PCLO: variants seen among roughly 807,000 people sequenced by gnomAD.
PCLO encodes protein piccolo.
Under a neutral mutation model 427.5 loss-of-function variants are expected in PCLO, and 82 were observed. The observed-to-expected ratio is 0.19, with a 90% CI of 0.16 to 0.23. The LOEUF (loss-of-function observed/expected upper bound fraction) is 0.23. Among genes scored for constraint, PCLO ranks in the 10% least tolerant of loss-of-function variants. The pLI is 1.00. For missense variants in PCLO, 6,239 were observed against 6,115.9 expected, an observed-to-expected ratio of 1.02 and a Z score of -0.67; for synonymous variants, 2,357 against 2,155.4, an observed-to-expected ratio of 1.09 and a Z score of -2.59.
At chr7:83,059,144 C>A (rs1249825317) in intron 3 of PCLO, among the ~76,000 whole-genome samples, 1 of 149,938 alleles carries the variant, frequency 6.7e-6, no homozygotes, top group Non-Finnish European at 1.5e-5. Flanking sequence ...ATATACTATA[C>A]CACCACATTC....
chr7:82,816,465 G>A (rs1364941221), intron 20 of PCLO, among the ~76,000 whole-genome samples: 2 of 151,908 alleles, frequency 1.3e-5, no homozygotes, highest in Admixed American at 6.6e-5. Flanking sequence ...TTACTTGCCT[G>A]TCTTACTTCC....
At chr7:83,160,560 T>C (rs1042183616) in intron 1 of PCLO, among the ~76,000 whole-genome samples, 1 of 152,116 alleles carries the variant, frequency 6.6e-6, no homozygotes, top group East Asian at 1.9e-4. Flanking sequence ...ATTTATTTTT[T>C]AGTATTTGGA....
rs190555659 is a variant in PCLO at position 83,021,692 on chromosome 7, C to T, written c.3301-55205G>A. Among the ~76,000 whole-genome samples the T allele has an allele frequency of 3.0e-4, 46 of 152,156 alleles. 2 individuals carry two copies. The highest frequency in any genetic ancestry group is 5.9e-5 in the Non-Finnish European group (4 of 68,000). On this transcript the variant is annotated intron_variant, in intron 3 of 24. Transcript: ENST00000333891. ...GGAGCAAGGCCAACATCTATTAAAA[C>T]AAGGTAAAACAATATTGTGATTAAG...
Position 82,772,981 on chromosome 7 carries a change from A to G in PCLO, c.15008-11488T>C, listed in dbSNP as rs1020377361. 2.0e-5 allele frequency among the ~76,000 whole-genome samples: 3 copies of G among 152,286 alleles called. No individual in the cohort carries two copies. In the East Asian group the frequency reaches 5.8e-4, roughly 29 times the overall value. ...TAAAAGCCTCAAGACCACAAAGCCC[A>G]GGAATGAGGTAGGAGAGCTGGTATG... On this transcript the variant is annotated intron_variant, in intron 22 of 24. Coordinates refer to ENST00000333891, the MANE Select transcript of PCLO (RefSeq NM_033026.6).
At chr7:82,890,079 A>G (rs1283280343) in intron 9 of PCLO, among the ~76,000 whole-genome samples, 3 of 151,716 alleles carry the variant, frequency 2.0e-5, no homozygotes, top group Non-Finnish European at 4.4e-5. Context: ...ATATACATTT[A>G]TAAGTATACA....
intron 3 of PCLO, among the ~76,000 whole-genome samples, chr7:83,004,837 CAT>C (rs1787908912): frequency 6.6e-6 from 1 of 151,428 alleles, no homozygotes; most frequent in Non-Finnish European, 1.5e-5. Flanking sequence ...GCACAAAACA[CAT>C]AACCTAATTT....
intron 10 of PCLO, among the ~76,000 whole-genome samples, chr7:82,858,262 A>C: frequency 6.6e-6 from 1 of 152,214 alleles, no homozygotes; most frequent in South Asian, 2.1e-4. Flanking sequence ...GACAAAATTC[A>C]ACATCCTCTC....
rs112693057 is a variant in PCLO at position 83,000,226 on chromosome 7, C to T, written c.3301-33739G>A. 8.4e-3 allele frequency among the ~76,000 whole-genome samples: 1,232 copies of T among 147,268 alleles called. 13 individuals carry two copies. The highest frequency in any genetic ancestry group is 0.029 in the African/African-American group (1,164 of 40,116). ...ATTACATCTCACATTTCCTCAGAAA[C>T]CATGGAAGCAGGAAAAGAGTAGAGT... On this transcript the variant is annotated intron_variant, in intron 3 of 24. Transcript: ENST00000333891.
rs371188596 is a variant in PCLO at position 82,954,794 on chromosome 7, T to G, written c.6159A>C (p.Glu2053Asp). ...CAGCATCTAGTAGTTTCCTTTCTTC[T>G]TCTGTAGAAGTTACCATAGTACCCA... The part of the protein sequence containing the change: ...VDLGTMVTST[E>D]EERKLLDADA... The change falls in exon 5 of 25, where the codon GAA becomes GAC. Residue 2053 changes from glutamate (E) to aspartate (D), a missense_variant. By Grantham distance (45) the Glu-to-Asp change is conservative. Around this residue, in one of 5 missense-constraint regions of PCLO, gnomAD observed 4,677 missense variants for 4,468.4 expected, o/e 1.05. Coordinates refer to ENST00000333891, the MANE Select transcript of PCLO (RefSeq NM_033026.6). 8 of 1,613,700 alleles carry G rather than the reference T, an allele frequency of 5.0e-6. No individual in the cohort carries two copies. The African/African-American group carries it at 1.1e-4, about 22-fold the overall frequency.
intron 2 of PCLO, among the ~76,000 whole-genome samples, chr7:83,143,210 T>C (rs1791907061): frequency 6.6e-6 from 1 of 152,144 alleles, no homozygotes; most frequent in African/African-American, 2.4e-5. Context: ...GATTATGTTT[T>C]GTGCTACTCA....
rs1791767303 is a variant in PCLO at position 82,820,559 on chromosome 7, A to G, written c.14791+1936T>C. ...CCCAACACATCTGATACACTTAACA[A>G]CTATGGAAACACGAGTGGAAAATGT... On this transcript the variant is annotated intron_variant, in intron 20 of 24. Coordinates refer to ENST00000333891, the MANE Select transcript of PCLO (RefSeq NM_033026.6). 4 of 1,226,654 alleles carry G rather than the reference A, an allele frequency of 3.3e-6. No homozygotes were observed. The South Asian group carries it at 1.7e-4, about 52-fold the overall frequency. The allele number at this position is 1,226,654 out of a possible 1,614,324, so 76.0% of individuals were successfully genotyped here. A position where few individuals can be genotyped will look rare whatever the true frequency, so the allele number is the denominator to read the frequency against.
intron 3 of PCLO, among the ~76,000 whole-genome samples, chr7:83,021,479 G>C (rs1159006418): frequency 6.6e-6 from 1 of 151,956 alleles, no homozygotes; most frequent in Admixed American, 6.6e-5. Context: ...AGAGATAAAA[G>C]GTTTTTTTTT....
At chr7:82,763,400 C>T (rs79875088) in intron 22 of PCLO, among the ~76,000 whole-genome samples, 2,323 of 152,088 alleles carry the variant, frequency 0.015, 62 homozygotes, top group African/African-American at 0.053. Flanking sequence ...CGCGGAACCA[C>T]GGAGGTCTGT....
intron 3 of PCLO, among the ~76,000 whole-genome samples, chr7:83,133,270 A>T (rs1166062991): frequency 6.6e-6 from 1 of 152,002 alleles, no homozygotes; most frequent in Non-Finnish European, 1.5e-5. Context: ...TGAATAACAA[A>T]ATCAAGGACA....
intron 6 of PCLO, among the ~76,000 whole-genome samples, chr7:82,923,029 T>C (rs139989616): frequency 8.9e-4 from 136 of 152,132 alleles, no homozygotes; most frequent in Admixed American, 2.0e-3. Flanking sequence ...AACAGCATAA[T>C]TTCACAAAAA....
intron 8 of PCLO, among the ~76,000 whole-genome samples, chr7:82,903,911 A>G (rs1794119914): frequency 6.6e-6 from 1 of 151,886 alleles, no homozygotes; most frequent in African/African-American, 2.4e-5. Flanking sequence ...AAATTGTTAG[A>G]ATTCTGGATA....
At chr7:82,993,334 C>T (rs1227318332) in intron 3 of PCLO, among the ~76,000 whole-genome samples, 1 of 151,930 alleles carries the variant, frequency 6.6e-6, no homozygotes, top group East Asian at 1.9e-4. Context: ...ATTACAGGAT[C>T]TTCATTGCTA....
intron 22 of PCLO, among the ~76,000 whole-genome samples, chr7:82,767,752 G>A (rs1790561491): frequency 1.3e-5 from 2 of 152,122 alleles, no homozygotes; most frequent in South Asian, 4.1e-4. Flanking sequence ...TGGACCAAAA[G>A]TGCATCCTAT....
At chr7:82,801,118 G>T (rs752060068) in intron 22 of PCLO, among the ~76,000 whole-genome samples, 1 of 148,678 alleles carries the variant, frequency 6.7e-6, no homozygotes, top group African/African-American at 2.5e-5. Flanking sequence ...TCTCAGCTTC[G>T]TATATTTAAG....
Sources: allele counts gnomAD v4.1 joint callset (sites outside exome capture counted in the v4.1 genomes callset), GRCh38; gene constraint gnomAD v4.1.1; regional missense constraint gnomAD v4.1.1; transcripts MANE v1.5; gene names NCBI Gene and HGNC (gene_info 2026-07-23, HGNC 2026-07-21).